The following GALNTL6 variants were observed in gnomAD, a reference collection of about 807,000 sequenced individuals.
GALNTL6 encodes the protein polypeptide N-acetylgalactosaminyltransferase-like 6.
In GALNTL6, 46 loss-of-function variants were observed where a neutral mutation model predicts 73.7. The observed-to-expected ratio is 0.62, with a 90% CI of 0.49 to 0.80. GALNTL6 has a LOEUF of 0.80. Among genes scored for constraint, GALNTL6 ranks in the 30% least tolerant of loss-of-function variants. The probability of loss-of-function intolerance (pLI) is 0.00; values close to 1 mark genes in which losing one functional copy is unlikely to be tolerated. For synonymous variants in GALNTL6, 259 were observed against 263.7 expected (o/e 0.98, Z 0.17); for missense variants, 604 against 755.0 (o/e 0.80, Z 2.34).
intron 5 of GALNTL6, among the ~76,000 whole-genome samples, chr4:172,588,770 T>A (rs1391284873): frequency 2.0e-5 from 3 of 152,174 alleles, no homozygotes; most frequent in African/African-American, 7.2e-5. Flanking sequence ...AGTTTCCAGT[T>A]ATGCAATCAC....
At chr4:172,182,475 T>TC (rs1213334941) in intron 2 of GALNTL6, among the ~76,000 whole-genome samples, 1 of 151,662 alleles carries the variant, frequency 6.6e-6, no homozygotes, top group Non-Finnish European at 1.5e-5. Flanking sequence ...TATCTTCTTT[T>TC]TTTTTGAGAT....
chr4:172,555,679 A>T (rs1465402960), intron 5 of GALNTL6, among the ~76,000 whole-genome samples: 1 of 152,096 alleles, frequency 6.6e-6, no homozygotes, highest in Non-Finnish European at 1.5e-5. Context: ...AACATTCCCT[A>T]AATGCAAAAA....
intron 7 of GALNTL6, among the ~76,000 whole-genome samples, chr4:172,833,980 G>A (rs1742775176): frequency 6.6e-6 from 1 of 152,182 alleles, no homozygotes; most frequent in South Asian, 2.1e-4. Flanking sequence ...AGCTGAGCGT[G>A]GTGGCGCATG....
rs562117110 is a variant in GALNTL6 at position 172,097,534 on chromosome 4, T to C, written c.139-132122T>C. On this transcript the variant is annotated intron_variant, in intron 2 of 12. Coordinates refer to ENST00000506823, the MANE Select transcript of GALNTL6 (RefSeq NM_001034845.3). ...ACTCATTATCCCTTCCTCTCTCCCT[T>C]CCTCCCTCCCTCCCTTCCTTTCTTC... 7.3e-4 allele frequency among the ~76,000 whole-genome samples: 111 copies of C among 152,150 alleles called. 1 individual carries two copies. Among genetic ancestry groups the C allele is most frequent in the African/African-American group, 2.4e-3 (99 of 41,514 alleles).
chr4:173,038,736 C>A (rs1753792439), intron 12 of GALNTL6, among the ~76,000 whole-genome samples: 1 of 152,192 alleles, frequency 6.6e-6, no homozygotes, highest in African/African-American at 2.4e-5. Flanking sequence ...CTTAACTATG[C>A]AAACATCCGG....
chr4:172,271,551 GAT>G (rs1169916171), intron 3 of GALNTL6, among the ~76,000 whole-genome samples: 1 of 152,060 alleles, frequency 6.6e-6, no homozygotes, highest in Admixed American at 6.6e-5. Flanking sequence ...TATATGCACA[GAT>G]ATGTGCACAC....
rs1356173934 is a variant in GALNTL6 at position 172,931,211 on chromosome 4, T to A, written c.1092T>A (p.Gly364=). 18 of 1,612,832 alleles carry A rather than the reference T, an allele frequency of 1.1e-5. No homozygotes were observed. Among genetic ancestry groups the A allele is most frequent in the Non-Finnish European group, 1.4e-5 (17 of 1,178,906 alleles). The stretch of plus-strand genomic sequence containing the variant: ...TTGATGTTCCATGTTCTAGAGTTGG[T>A]CATATCTACAGGAAGTACGTTCCAT... ...EMFDVPCSRV[G]HIYRKYVPYK... Residue 364 remains glycine (G), a synonymous_variant, in exon 9 of 13, where the codon GGT becomes GGA. Coordinates refer to ENST00000506823, the MANE Select transcript of GALNTL6 (RefSeq NM_001034845.3).
At chr4:172,924,099 A>G (rs1246353943) in intron 8 of GALNTL6, among the ~76,000 whole-genome samples, 3 of 152,324 alleles carry the variant, frequency 2.0e-5, no homozygotes, top group Non-Finnish European at 4.4e-5. Flanking sequence ...GACTTAAGAC[A>G]GAGGTGAAAA....
At chr4:172,738,975 A>C (rs569689184) in intron 5 of GALNTL6, among the ~76,000 whole-genome samples, 98 of 152,318 alleles carry the variant, frequency 6.4e-4, no homozygotes, top group African/African-American at 2.2e-3. Context: ...TACCATGCAG[A>C]TGAAGCCTCC....
chr4:172,241,885 C>T (rs991014204), intron 3 of GALNTL6, among the ~76,000 whole-genome samples: 3 of 152,138 alleles, frequency 2.0e-5, no homozygotes, highest in African/African-American at 7.2e-5. Flanking sequence ...AGTTTGGCTG[C>T]ACCTCTCAGC....
intron 2 of GALNTL6, among the ~76,000 whole-genome samples, chr4:172,207,671 T>C (rs563982300): frequency 1.3e-5 from 2 of 152,282 alleles, no homozygotes; most frequent in South Asian, 4.1e-4. Context: ...TATAAACGCT[T>C]GGTTCTCTCT....
At chr4:172,526,371 T>C (rs758965749) in intron 5 of GALNTL6, among the ~76,000 whole-genome samples, 1 of 152,148 alleles carries the variant, frequency 6.6e-6, no homozygotes, top group Non-Finnish European at 1.5e-5. Flanking sequence ...CATTTTATAA[T>C]TGAAGCCCAA....
At chr4:173,016,781 T>A (rs1005301493) in intron 11 of GALNTL6, among the ~76,000 whole-genome samples, 1 of 152,116 alleles carries the variant, frequency 6.6e-6, no homozygotes, top group East Asian at 1.9e-4. Flanking sequence ...AAGGGCATGA[T>A]TGTGTTTTGA....
chr4:172,976,436 CA>C (rs1750814149), intron 10 of GALNTL6, among the ~76,000 whole-genome samples: 1 of 152,158 alleles, frequency 6.6e-6, no homozygotes, highest in South Asian at 2.1e-4. Context: ...CTGAAATTCA[CA>C]TAAGTATATC....
chr4:172,445,027 G>A (rs1220109473), intron 5 of GALNTL6, among the ~76,000 whole-genome samples: 1 of 152,062 alleles, frequency 6.6e-6, no homozygotes, highest in Non-Finnish European at 1.5e-5. Context: ...AAGCCAACAA[G>A]TTGATTAAGT....
intron 7 of GALNTL6, among the ~76,000 whole-genome samples, chr4:172,834,764 C>T (rs958920026): frequency 1.3e-5 from 2 of 152,202 alleles, no homozygotes; most frequent in Admixed American, 6.5e-5. Flanking sequence ...GGCCGCTTTC[C>T]TCCACTGTCT....
chr4:171,982,337 A>T (rs144597761), intron 2 of GALNTL6, among the ~76,000 whole-genome samples: 1 of 152,128 alleles, frequency 6.6e-6, no homozygotes, highest in Non-Finnish European at 1.5e-5. Context: ...TCGCTCTGTC[A>T]CCCAGGCTGG....
intron 5 of GALNTL6, among the ~76,000 whole-genome samples, chr4:172,539,904 TATA>T (rs1227072028): frequency 8.2e-6 from 1 of 122,396 alleles, no homozygotes; most frequent in South Asian, 2.5e-4. Context: ...TATATATATA[TATA>T]AAAAATCTCA....
At chr4:172,907,545 G>C (rs1041722250) in intron 8 of GALNTL6, among the ~76,000 whole-genome samples, 7 of 152,146 alleles carry the variant, frequency 4.6e-5, no homozygotes, top group African/African-American at 1.7e-4. Flanking sequence ...TTTGCAAACT[G>C]CTTTTGCAAA....
Sources: gnomAD v4.1 joint callset for allele counts (sites outside exome capture counted in the v4.1 genomes callset) on GRCh38, gnomAD v4.1.1 for gene constraint, MANE v1.5 for transcripts, NCBI Gene and HGNC (gene_info 2026-07-23, HGNC 2026-07-21) for gene names.